PPP4R3A: variants seen among roughly 807,000 people sequenced by gnomAD.
The protein encoded by PPP4R3A is serine/threonine-protein phosphatase 4 regulatory subunit 3A.
In PPP4R3A, 15 loss-of-function variants were observed where a neutral mutation model predicts 91.7. That is an observed-to-expected ratio of 0.16 (90% CI 0.11 to 0.25). PPP4R3A has a LOEUF of 0.25. Among genes scored for constraint, PPP4R3A ranks in the 10% least tolerant of loss-of-function variants. The probability of loss-of-function intolerance (pLI) is 1.00; values close to 1 mark genes in which losing one functional copy is unlikely to be tolerated. For missense variants in PPP4R3A, 623 were observed against 998.4 expected (o/e 0.62, Z 5.07); for synonymous variants, 377 against 348.7 (o/e 1.08, Z -0.91).
chr14:91,498,361 C>G (rs573511400), intron 1 of PPP4R3A, among the ~76,000 whole-genome samples: 21 of 152,022 alleles, frequency 1.4e-4, no homozygotes, highest in African/African-American at 4.6e-4. Context: ...ACACTCTTCT[C>G]ATTAAACTCT....
intron 10 of PPP4R3A, 122 bp from the exon 11 acceptor site, chr14:91,465,541 A>T: frequency 1.3e-6 from 1 of 797,550 alleles, no homozygotes; most frequent in Non-Finnish European, 1.8e-6. Flanking sequence ...ATTATTTATG[A>T]TGTTTGCACT....
chr14:91,500,574 C>T (rs1021803608), intron 1 of PPP4R3A, among the ~76,000 whole-genome samples: 1 of 151,930 alleles, frequency 6.6e-6, no homozygotes, highest in African/African-American at 2.4e-5. Context: ...AGCAGGAAAA[C>T]GAGTATTAAT....
chr14:91,471,054 T>G (rs1178111626), intron 9 of PPP4R3A, 59 bp from the exon 10 acceptor site: 1 of 1,477,044 alleles, frequency 6.8e-7, no homozygotes, highest in African/African-American at 1.4e-5. Context: ...CCTTCTAAAA[T>G]GTAAGAACTC....
At chr14:91,467,290 C>T (rs566145218) in intron 10 of PPP4R3A, among the ~76,000 whole-genome samples, 2 of 114,976 alleles carry the variant, frequency 1.7e-5, no homozygotes, top group Non-Finnish European at 3.7e-5. Context: ...TCTAGGAAGT[C>T]AAGTCACTCA....
intron 4 of PPP4R3A, 28 bp from the exon 5 acceptor site, chr14:91,477,014 T>A (rs1025688810): frequency 1.3e-6 from 2 of 1,524,728 alleles, no homozygotes; most frequent in Admixed American, 3.7e-5. Context: ...AATGCAATTA[T>A]GTTAATGCTA....
intron 11 of PPP4R3A, among the ~76,000 whole-genome samples, chr14:91,464,566 T>C (rs1175553320): frequency 1.3e-5 from 2 of 152,008 alleles, no homozygotes; most frequent in Admixed American, 1.3e-4. Context: ...CTGGGCAACA[T>C]AGCAAAACCC....
chr14:91,499,907 G>A (rs529749707), intron 1 of PPP4R3A, among the ~76,000 whole-genome samples: 1 of 151,824 alleles, frequency 6.6e-6, no homozygotes, highest in Non-Finnish European at 1.5e-5. Flanking sequence ...TTCTTGTAGG[G>A]TGCTACCAAC....
chr14:91,458,491 C>CAGGGG lies in PPP4R3A; in HGVS notation c.*267_*268insCCCCT. 1 of 498,826 alleles carries CAGGGG rather than the reference C, an allele frequency of 2.0e-6. No homozygotes were observed. The highest frequency in any genetic ancestry group is 3.6e-6 in the Non-Finnish European group (1 of 274,672). The allele number at this position is 498,826 out of a possible 1,614,324, so 30.9% of individuals were successfully genotyped here. A position where few individuals can be genotyped will look rare whatever the true frequency, so the allele number is the denominator to read the frequency against. On this transcript the variant is annotated 3_prime_UTR_variant, in exon 15 of 15. Coordinates refer to ENST00000554943, the MANE Select transcript of PPP4R3A (RefSeq NM_001366432.2). ...ACTTACAAAACCCCTGCCCTGTTGG[C>CAGGGG]TTTTTGTTTCCATTTCCTTCCCTGA...
chr14:91,478,542 AG>A lies in PPP4R3A; in HGVS notation c.916-1557del, dbSNP rs146819925. On this transcript the variant is annotated intron_variant, in intron 4 of 14. Coordinates refer to ENST00000554943, the MANE Select transcript of PPP4R3A (RefSeq NM_001366432.2). ...AAGAGAAACAGACATATTGGCAGCC[AG>A]TATTTTACAAAGCACATTACAGGGA... 2.7e-3 allele frequency among the ~76,000 whole-genome samples: 406 copies of A among 152,380 alleles called. 6 individuals carry two copies. The East Asian group carries it at 0.047, about 18-fold the overall frequency.
intron 10 of PPP4R3A, chr14:91,466,393 C>T: frequency 2.0e-6 from 2 of 985,676 alleles, no homozygotes; most frequent in Non-Finnish European, 2.4e-6. Flanking sequence ...AGCAGGTAGC[C>T]AGGCAACCAT....
chr14:91,481,288 G>C (rs1419152638), intron 4 of PPP4R3A, among the ~76,000 whole-genome samples: 3 of 152,150 alleles, frequency 2.0e-5, no homozygotes, highest in Non-Finnish European at 4.4e-5. Context: ...CAGTCGCTGA[G>C]ACTGCATTAT....
chr14:91,491,620 T>C (rs908705592), intron 1 of PPP4R3A, among the ~76,000 whole-genome samples: 26 of 152,020 alleles, frequency 1.7e-4, no homozygotes, highest in Admixed American at 1.3e-4. Context: ...TTGGCCAGGA[T>C]GGTCTCAATC....
chr14:91,464,527 G>A (rs1888363579), intron 11 of PPP4R3A, among the ~76,000 whole-genome samples: 1 of 152,064 alleles, frequency 6.6e-6, no homozygotes, highest in Admixed American at 6.6e-5. Flanking sequence ...TACTTGTGAG[G>A]CTAAGGTGGG....
chr14:91,496,211 T>A (rs537030195), intron 1 of PPP4R3A, among the ~76,000 whole-genome samples: 57 of 152,330 alleles, frequency 3.7e-4, no homozygotes, highest in Admixed American at 1.4e-3. Context: ...AGTGGTTATG[T>A]TGTTTTTTCA....
chr14:91,498,710 C>T (rs796170174), intron 1 of PPP4R3A, among the ~76,000 whole-genome samples: 11 of 151,422 alleles, frequency 7.3e-5, no homozygotes, highest in East Asian at 3.9e-4. Context: ...GTCAGGAGAT[C>T]GAGACCATCC....
intron 7 of PPP4R3A, 108 bp downstream of exon 7, chr14:91,475,703 T>C: frequency 9.0e-7 from 1 of 1,107,016 alleles, no homozygotes; most frequent in South Asian, 1.6e-5. Context: ...TCTGATATTA[T>C]GGCTACACTT....
intron 14 of PPP4R3A, among the ~76,000 whole-genome samples, 160 bp downstream of exon 14, chr14:91,461,221 A>G (rs769791463): frequency 2.1e-4 from 32 of 152,176 alleles, no homozygotes; most frequent in Non-Finnish European, 3.1e-4. Flanking sequence ...AAATTTCTCA[A>G]CCTTTATATA....
At chr14:91,487,249 CAAAAA>C (rs35970764) in intron 2 of PPP4R3A, among the ~76,000 whole-genome samples, 5 of 80,234 alleles carry the variant, frequency 6.2e-5, no homozygotes, top group Admixed American at 1.6e-4. Flanking sequence ...GAGTCCGTCT[CAAAAA>C]AAAAAAAAAA....
intron 3 of PPP4R3A, among the ~76,000 whole-genome samples, chr14:91,483,832 T>C (rs1595069838): frequency 6.6e-6 from 1 of 151,930 alleles, no homozygotes; most frequent in African/African-American, 2.4e-5. Context: ...ATTATTAAGA[T>C]GATGAAAAAC....
Sources: allele counts gnomAD v4.1 joint callset (sites outside exome capture counted in the v4.1 genomes callset), GRCh38; gene constraint gnomAD v4.1.1; transcripts MANE v1.5; gene names NCBI Gene and HGNC (gene_info 2026-07-23, HGNC 2026-07-21).